Variants in ACOXL observed in about 807,000 individuals in gnomAD.
ACOXL encodes the protein acyl-coenzyme A oxidase-like protein.
Under a neutral mutation model 71.9 loss-of-function variants are expected in ACOXL, and 70 were observed. The observed-to-expected ratio is 0.97, with a 90% CI of 0.80 to 1.19. ACOXL has a LOEUF of 1.19. ACOXL is among the 50% of genes most tolerant of loss of function. The pLI, the probability that ACOXL is intolerant of heterozygous loss-of-function variation, is 0.00. For missense variants in ACOXL, 703 were observed against 736.3 expected (o/e 0.95, Z 0.52); for synonymous variants, 253 against 281.6 (o/e 0.90, Z 1.02).
intron 17 of ACOXL, chr2:111,100,160 G>A (rs2069047544): frequency 6.6e-6 from 1 of 152,524 alleles, no homozygotes; most frequent in South Asian, 2.1e-4. Context: ...AAGCTTTTCA[G>A]TCTACCTGTG....
intron 10 of ACOXL, among the ~76,000 whole-genome samples, chr2:110,904,952 G>A (rs2059386820): frequency 6.6e-6 from 1 of 152,096 alleles, no homozygotes; most frequent in Non-Finnish European, 1.5e-5. Context: ...ATTTGCATAT[G>A]AAAAATGCAC....
chr2:110,838,757 A>G (rs1690766058), intron 9 of ACOXL, among the ~76,000 whole-genome samples: 1 of 152,200 alleles, frequency 6.6e-6, no homozygotes, highest in Non-Finnish European at 1.5e-5. Context: ...ATTCTGTGTG[A>G]CATTTCAGCC....
chr2:111,007,827 G>A (rs2063948403), intron 14 of ACOXL, among the ~76,000 whole-genome samples: 1 of 152,146 alleles, frequency 6.6e-6, no homozygotes, highest in African/African-American at 2.4e-5. Context: ...CTGTATGCAC[G>A]TATATTAGAA....
rs1217208060 is a variant in ACOXL, at chr2:111,117,746, C to G, written c.1673C>G (p.Pro558Arg). ...CCGCGGGCCGCGTGGGCTTTCTACC[C>G]TGCACCGCTGCAGCCGCGGCCACGG... is the stretch of plus-strand genomic sequence containing the variant. ...SNPRAAWAFY[P>R]APLQPRPREE... The change falls in exon 18 of 18, where the codon CCT becomes CGT. Residue 558 changes from proline to arginine, a missense_variant. Physicochemically the swap from Pro to Arg is moderately radical, Grantham distance 103 (BLOSUM62 -2). Transcript: ENST00000439055. The G allele has an allele frequency of 6.4e-7, 1 of 1,551,450 alleles. No homozygotes were observed. Among genetic ancestry groups the G allele is most frequent in the Admixed American group, 2.0e-5 (1 of 50,996 alleles).
chr2:111,012,962 GAAAAC>G (rs2064236448), intron 14 of ACOXL, among the ~76,000 whole-genome samples: 1 of 152,122 alleles, frequency 6.6e-6, no homozygotes, highest in African/African-American at 2.4e-5. Context: ...TAATGAAATA[GAAAAC>G]AAACTATAGA....
intron 3 of ACOXL, among the ~76,000 whole-genome samples, chr2:110,791,857 CA>C (rs777797533): frequency 1.3e-5 from 2 of 152,124 alleles, no homozygotes; most frequent in Non-Finnish European, 2.9e-5. Flanking sequence ...CTTGCCTAAG[CA>C]AAAATGGTAC....
chr2:110,903,981 A>G (rs1264789931), intron 10 of ACOXL, among the ~76,000 whole-genome samples: 1 of 152,234 alleles, frequency 6.6e-6, no homozygotes, highest in African/African-American at 2.4e-5. Context: ...GGTGGCAGTC[A>G]CAGGGCTGAC....
chr2:111,001,066 G>T (rs1029461230), intron 14 of ACOXL, among the ~76,000 whole-genome samples: 14 of 152,176 alleles, frequency 9.2e-5, no homozygotes, highest in Non-Finnish European at 1.5e-4. Flanking sequence ...AAAGATTAAA[G>T]GTAAGTCTTA....
chr2:110,923,362 C>T (rs914889516), intron 11 of ACOXL, among the ~76,000 whole-genome samples: 1 of 151,994 alleles, frequency 6.6e-6, no homozygotes, highest in African/African-American at 2.4e-5. Context: ...GGTCGTAGGG[C>T]CCATCTCCTA....
intron 7 of ACOXL, among the ~76,000 whole-genome samples, chr2:110,799,918 A>T (rs1685753196): frequency 6.6e-6 from 1 of 152,104 alleles, no homozygotes; most frequent in African/African-American, 2.4e-5. Flanking sequence ...TGCACCAATC[A>T]GCGCCCTCTA....
At chr2:110,819,498 T>C (rs1688355531) in intron 9 of ACOXL, among the ~76,000 whole-genome samples, 2 of 152,190 alleles carry the variant, frequency 1.3e-5, no homozygotes, top group South Asian at 2.1e-4. Context: ...TGAGGGACTC[T>C]GGACAAAGCC....
At chr2:111,102,679 A>G (rs1158296615) in intron 17 of ACOXL, among the ~76,000 whole-genome samples, 2 of 152,174 alleles carry the variant, frequency 1.3e-5, no homozygotes, top group Non-Finnish European at 2.9e-5. Flanking sequence ...GATGAGACTC[A>G]TCTGAGTCCA....
chr2:111,001,368 A>T (rs1473424903), intron 14 of ACOXL, among the ~76,000 whole-genome samples: 4 of 148,228 alleles, frequency 2.7e-5, no homozygotes, highest in Admixed American at 2.0e-4. Flanking sequence ...AAGCTTCTGC[A>T]ATCAGGGAAC....
intron 10 of ACOXL, among the ~76,000 whole-genome samples, chr2:110,844,469 C>G (rs10180551): frequency 3.3e-5 from 5 of 151,744 alleles, no homozygotes; most frequent in African/African-American, 4.8e-5. Context: ...TTTTCTTCCC[C>G]TCGGCCACAG....
At chr2:111,010,402 G>C (rs2064092167) in intron 14 of ACOXL, among the ~76,000 whole-genome samples, 1 of 151,922 alleles carries the variant, frequency 6.6e-6, no homozygotes, top group Non-Finnish European at 1.5e-5. Flanking sequence ...GAAATCATTT[G>C]AACTAAAACA....
chr2:110,890,242 C>A (rs750001241), intron 10 of ACOXL, among the ~76,000 whole-genome samples: 4 of 152,146 alleles, frequency 2.6e-5, no homozygotes, highest in Non-Finnish European at 5.9e-5. Context: ...AATATCTTCT[C>A]CCATTCTGTA....
chr2:110,952,764 T>C (rs2061373961), intron 12 of ACOXL, among the ~76,000 whole-genome samples: 1 of 152,192 alleles, frequency 6.6e-6, no homozygotes, highest in South Asian at 2.1e-4. Flanking sequence ...TATTTTCTTC[T>C]ACTTTCTTTG....
At chr2:110,807,746 G>A (rs1268993744) in intron 9 of ACOXL, among the ~76,000 whole-genome samples, 7 of 152,282 alleles carry the variant, frequency 4.6e-5, no homozygotes, top group Admixed American at 4.6e-4. Context: ...CCTCTTGGCA[G>A]CTCTTCCTCT....
intron 15 of ACOXL, among the ~76,000 whole-genome samples, chr2:111,046,183 C>T (rs753108066): frequency 7.9e-5 from 12 of 152,304 alleles, no homozygotes; most frequent in South Asian, 2.1e-4. Context: ...CTGCCAGCAC[C>T]GTTTCTTTAC....
Sources: gnomAD v4.1 joint callset for allele counts (sites outside exome capture counted in the v4.1 genomes callset) on GRCh38, gnomAD v4.1.1 for gene constraint, MANE v1.5 for transcripts, NCBI Gene and HGNC (gene_info 2026-07-23, HGNC 2026-07-21) for gene names.